Variants in SLC10A7 observed in about 807,000 individuals in gnomAD.
SLC10A7 encodes sodium/bile acid cotransporter 7.
SLC10A7 carries 29 observed loss-of-function variants against 43.2 expected under a neutral mutation model. The ratio of observed to expected loss-of-function variants is 0.67; its 90% CI spans 0.50 to 0.92. The LOEUF (loss-of-function observed/expected upper bound fraction) is 0.92, where lower values mean the gene tolerates loss of function less well. Ranked by LOEUF, SLC10A7 falls within the 40% of genes least tolerant of loss-of-function variation. The pLI is 0.00. For missense variants in SLC10A7, 295 were observed against 403.2 expected (o/e 0.73, Z 2.30); for synonymous variants, 152 against 144.8 (o/e 1.05, Z -0.35).
intron 4 of SLC10A7, among the ~76,000 whole-genome samples, chr4:146,490,601 A>G (rs1250355203): frequency 1.3e-5 from 2 of 152,232 alleles, no homozygotes; most frequent in Non-Finnish European, 2.9e-5. Flanking sequence ...ATTGAACTTC[A>G]TAATAACATT....
At chr4:146,378,723 CAAA>C (rs1278688140) in intron 5 of SLC10A7, among the ~76,000 whole-genome samples, 2 of 152,058 alleles carry the variant, frequency 1.3e-5, no homozygotes, top group East Asian at 3.9e-4. Flanking sequence ...AAGGCCAAAC[CAAA>C]TAAAACTAAA....
chr4:146,504,450 CAG>C (rs1281415695), intron 3 of SLC10A7, among the ~76,000 whole-genome samples: 2 of 139,510 alleles, frequency 1.4e-5, no homozygotes, highest in Non-Finnish European at 3.0e-5. Flanking sequence ...ACCTGGGAGG[CAG>C]AGTTTGCAGT....
intron 6 of SLC10A7, among the ~76,000 whole-genome samples, chr4:146,308,305 G>A (rs1047816939): frequency 3.3e-5 from 5 of 152,126 alleles, no homozygotes; most frequent in African/African-American, 4.8e-5. Flanking sequence ...TTTGGCATAA[G>A]TCCTTTCTTT....
chr4:146,453,437 C>T (rs1731773895), intron 4 of SLC10A7, among the ~76,000 whole-genome samples: 1 of 151,914 alleles, frequency 6.6e-6, no homozygotes, highest in South Asian at 2.1e-4. Context: ...TTTTCACTGA[C>T]TATTCTGAAT....
In SLC10A7 at chr4:146,433,634, G is replaced by A. The variant is rs1729963475; in HGVS notation, c.435+9149C>T. Among the ~76,000 whole-genome samples the A allele has an allele frequency of 4.6e-5, 7 of 152,252 alleles. No homozygotes were observed. The South Asian group carries it at 1.5e-3, about 32-fold the overall frequency. On this transcript the variant is annotated intron_variant, in intron 5 of 11. Transcript: ENST00000335472. ...CAATCCCAGCACTTTTCAAGGCTGA[G>A]GTGGGAGGATCGCTTGAGCTCAGGA...
Position 146,521,882 on chromosome 4 carries a change from G to A in SLC10A7, c.-165C>T, listed in dbSNP as rs1579414417. On this transcript the variant is annotated 5_prime_UTR_variant, in exon 1 of 12. Transcript: ENST00000335472. ...AAAGTAAAGACCTGGGGGTTGCTCCGGCGGCTTTGAGGAGGGTTGGGAGTA... is the reference window on the plus strand; with the variant it reads ...AAAGTAAAGACCTGGGGGTTGCTCCAGCGGCTTTGAGGAGGGTTGGGAGTA... The A allele has an allele frequency of 3.3e-6, 2 of 608,036 alleles. No individual in the cohort carries two copies. The highest frequency in any genetic ancestry group is 2.0e-5 in the South Asian group (1 of 49,036). 37.7% of individuals were successfully genotyped at this position (608,036 alleles called of 1,614,324 possible).
At chr4:146,309,638 C>T (rs568654963) in intron 6 of SLC10A7, among the ~76,000 whole-genome samples, 7 of 152,208 alleles carry the variant, frequency 4.6e-5, no homozygotes, top group Non-Finnish European at 8.8e-5. Context: ...AAAAAGCTTG[C>T]GAATGCTTTC....
chr4:146,493,847 C>A (rs1026526494), intron 4 of SLC10A7, among the ~76,000 whole-genome samples: 13 of 152,178 alleles, frequency 8.5e-5, no homozygotes, highest in African/African-American at 3.1e-4. Flanking sequence ...TATTTAAATA[C>A]AAATCATCTT....
At chr4:146,284,187 G>C (rs911882106) in intron 9 of SLC10A7, among the ~76,000 whole-genome samples, 1 of 152,228 alleles carries the variant, frequency 6.6e-6, no homozygotes, top group South Asian at 2.1e-4. Context: ...TGACTATATA[G>C]AGTCTATTCA....
At chr4:146,501,470 GTATCAC>G (rs977588278) in intron 4 of SLC10A7, among the ~76,000 whole-genome samples, 20 of 152,282 alleles carry the variant, frequency 1.3e-4, no homozygotes, top group Admixed American at 1.2e-3. Flanking sequence ...GAAGTGCCAT[GTATCAC>G]TATCAACCTG....
chr4:146,450,392 G>C (rs1731478701), intron 4 of SLC10A7, among the ~76,000 whole-genome samples: 1 of 151,988 alleles, frequency 6.6e-6, no homozygotes, highest in South Asian at 2.1e-4. Flanking sequence ...TGTATATCAG[G>C]GACTTGAACA....
intron 5 of SLC10A7, among the ~76,000 whole-genome samples, chr4:146,436,667 T>C (rs1036835877): frequency 6.6e-6 from 1 of 152,224 alleles, no homozygotes; most frequent in African/African-American, 2.4e-5. Flanking sequence ...GTAATGCAAC[T>C]TACTGTCTTT....
chr4:146,395,214 GA>G (rs1220846622), intron 5 of SLC10A7, among the ~76,000 whole-genome samples: 8 of 149,430 alleles, frequency 5.4e-5, no homozygotes, highest in East Asian at 3.9e-4. Flanking sequence ...TACAAAAAAA[GA>G]AAAAAAAAAT....
intron 3 of SLC10A7, among the ~76,000 whole-genome samples, chr4:146,504,282 G>A (rs1736690216): frequency 6.6e-6 from 1 of 152,148 alleles, no homozygotes; most frequent in African/African-American, 2.4e-5. Flanking sequence ...CACTTTGGGA[G>A]GCCGAGATGG....
intron 10 of SLC10A7, 76 bp downstream of exon 10, chr4:146,283,116 G>A: frequency 8.5e-7 from 1 of 1,170,834 alleles, no homozygotes; most frequent in South Asian, 1.3e-5. Flanking sequence ...AATTTGAAGA[G>A]TTCTTTGAAT....
chr4:146,433,163 CT>C (rs760409464), intron 5 of SLC10A7, among the ~76,000 whole-genome samples: 340 of 138,422 alleles, frequency 2.5e-3, no homozygotes, highest in Middle Eastern at 3.8e-3. Context: ...TATTCTCTAG[CT>C]TTTTTTTTTT....
At chr4:146,332,243 T>C (rs1733587895) in intron 5 of SLC10A7, among the ~76,000 whole-genome samples, 2 of 152,300 alleles carry the variant, frequency 1.3e-5, no homozygotes, top group South Asian at 4.1e-4. Flanking sequence ...GGTACACTAT[T>C]GTGAAGACAG....
In SLC10A7 at chr4:146,354,593, C is replaced by T. The variant is rs967009848; in HGVS notation, c.436-28597G>A. Among the ~76,000 whole-genome samples the T allele has an allele frequency of 1.4e-3, 203 of 148,842 alleles. 1 individual carries two copies. Among genetic ancestry groups the T allele is most frequent in the Non-Finnish European group, 1.4e-3 (96 of 66,892 alleles). ...CCCGCATCGCCAAGTCAATCCTAAG[C>T]CAAAAGAACAAAGCTGGAGGCATCA... On this transcript the variant is annotated intron_variant, in intron 5 of 11. Transcript: ENST00000335472.
rs748970815 is a variant in SLC10A7, at chr4:146,258,806, G to A, written c.879C>T (p.Gly293=). The A allele has an allele frequency of 3.7e-6, 6 of 1,609,144 alleles. No individual in the cohort carries two copies. In the Admixed American group the frequency reaches 8.5e-5, roughly 23 times the overall value. The change falls in exon 11 of 12, where the codon GGC becomes GGT. Residue 293 remains glycine (G), a synonymous_variant. Transcript: ENST00000335472. The part of the protein sequence containing the change: ...GIPMLKIVFA[G]HEHLSLISVP... ...CAGATATTAAAGAGAGATGCTCATG[G>A]CCTGCAAACACGATCTTCAGCATCG...
Sources: allele counts gnomAD v4.1 joint callset (sites outside exome capture counted in the v4.1 genomes callset), GRCh38; gene constraint gnomAD v4.1.1; transcripts MANE v1.5; gene names NCBI Gene and HGNC (gene_info 2026-07-23, HGNC 2026-07-21).